Variants in PRPS1 observed in about 807,000 individuals in gnomAD.
PRPS1 encodes the protein ribose-phosphate pyrophosphokinase 1.
Under a neutral mutation model 16.9 loss-of-function variants are expected in PRPS1, and 1 was observed. The observed-to-expected ratio is 0.06, with a 90% CI of 0.02 to 0.28. The LOEUF is 0.28. Among genes scored for constraint, PRPS1 ranks in the 10% least tolerant of loss-of-function variants. PRPS1 has a pLI of 1.00. For missense variants in PRPS1, 47 were observed against 254.0 expected, an observed-to-expected ratio of 0.19 and a Z score of 5.54; for synonymous variants, 70 against 90.2, an observed-to-expected ratio of 0.78 and a Z score of 1.27.
intron 6 of PRPS1, among the ~76,000 whole-genome samples, chrX:107,649,517 C>T (rs1371968961): frequency 8.9e-6 from 1 of 112,252 alleles, no homozygotes; most frequent in Non-Finnish European, 1.9e-5. Context: ...TGCAGTGGCA[C>T]GATCTTGGCT....
intron 1 of PRPS1, among the ~76,000 whole-genome samples, chrX:107,635,031 C>T (rs1324910090): frequency 9.0e-6 from 1 of 110,513 alleles, no homozygotes; most frequent in Non-Finnish European, 1.9e-5. Flanking sequence ...TTAGTAGAGA[C>T]GGGGTTTCAC....
intron 3 of PRPS1, 63 bp from the exon 4 acceptor site, chrX:107,642,303 T>A: frequency 8.3e-7 from 1 of 1,199,582 alleles, no homozygotes; most frequent in Non-Finnish European, 1.1e-6. Context: ...CTACTTTGTG[T>A]TTGCCATTTA....
At position 107,639,329 on chromosome X, in the gene PRPS1, G is replaced by A; in HGVS notation, c.157G>A (p.Val53Ile). ...TGGTGAAAGTGTACGTGGAGAGGAT[G>A]TCTACATTGTTCAGAGTGGTTGTGG... is the stretch of plus-strand genomic sequence containing the variant. ...EIGESVRGED[V>I]YIVQSGCGEI... Residue 53 changes from valine (V) to isoleucine (I), a missense_variant, in exon 2 of 7, where the codon GTC (valine) becomes ATC (isoleucine). Val to Ile is a conservative substitution (Grantham distance 29). Around this residue, in one of 3 missense-constraint regions of PRPS1, gnomAD observed 19 missense variants for 155.6 expected, o/e 0.12. Transcript: ENST00000372435. 3 of 1,211,435 alleles carry A rather than the reference G, an allele frequency of 2.5e-6. No individual in the cohort carries two copies. Among genetic ancestry groups the A allele is most frequent in the South Asian group, 1.8e-5 (1 of 57,001 alleles).
chrX:107,637,555 C>T (rs938109083), intron 1 of PRPS1, among the ~76,000 whole-genome samples: 4 of 111,516 alleles, frequency 3.6e-5, no homozygotes, highest in African/African-American at 9.8e-5. Flanking sequence ...AAATGAGATA[C>T]AGGCCACCTG....
chrX:107,628,813 A>C, intron 1 of PRPS1, 63 bp downstream of exon 1: 6 of 1,201,635 alleles, frequency 5.0e-6, no homozygotes, highest in Middle Eastern at 2.3e-4. Flanking sequence ...TATAGGAGGG[A>C]TGGGGTCGCC....
intron 1 of PRPS1, chrX:107,629,993 T>C (rs1177884509): frequency 3.6e-5 from 4 of 112,607 alleles, no homozygotes; most frequent in African/African-American, 1.3e-4. Flanking sequence ...GATTTCCAAG[T>C]TTAACTCGCC....
chrX:107,635,568 A>G (rs754244641), intron 1 of PRPS1, among the ~76,000 whole-genome samples: 20 of 110,208 alleles, frequency 1.8e-4, no homozygotes, highest in East Asian at 2.8e-4. Flanking sequence ...AGTAGCTGCA[A>G]TCACAGGCAC....
Position 107,635,126 on chromosome X carries a change from C to T in PRPS1, c.123-4169C>T, listed in dbSNP as rs750479526. On this transcript the variant is annotated intron_variant, in intron 1 of 6. Transcript: ENST00000372435. ...AAAGTGCTGGGATTACAGGCGTGAG[C>T]CACCGTGCCCAGCGATAATGATAAA... is the stretch of plus-strand genomic sequence containing the variant. 2.2e-3 allele frequency among the ~76,000 whole-genome samples: 243 copies of T among 110,557 alleles called. 2 individuals are homozygous for T. Among genetic ancestry groups the T allele is most frequent in the Admixed American group, 2.2e-3 (23 of 10,318 alleles).
intron 1 of PRPS1, among the ~76,000 whole-genome samples, chrX:107,636,110 C>G (rs1335388875): frequency 2.8e-5 from 3 of 107,712 alleles, no homozygotes; most frequent in African/African-American, 6.8e-5. Flanking sequence ...TTGAAATGAC[C>G]ACTGCCTGTT....
chrX:107,636,343 A>G (rs1925442334), intron 1 of PRPS1, among the ~76,000 whole-genome samples: 1 of 111,731 alleles, frequency 9.0e-6, no homozygotes, highest in African/African-American at 3.2e-5. Context: ...TGGTCTTGAA[A>G]TGGGGAGCTC....
intron 5 of PRPS1, among the ~76,000 whole-genome samples, chrX:107,646,275 T>TATG (rs1385425646): frequency 1.8e-5 from 2 of 108,954 alleles, no homozygotes; most frequent in Non-Finnish European, 3.8e-5. Context: ...GGTAATTATT[T>TATG]ATTATTATTA....
Position 107,639,066 on chromosome X carries a change from C to T in PRPS1, c.123-229C>T, listed in dbSNP as rs763255133. On this transcript the variant is annotated intron_variant, in intron 1 of 6. Coordinates refer to ENST00000372435, the MANE Select transcript of PRPS1 (RefSeq NM_002764.4). ...TATACTTTAAATCATCTCTAGATTA[C>T]TTATAATACTTAATACAATATAAAT... 2.7e-5 allele frequency among the ~76,000 whole-genome samples: 3 copies of T among 112,120 alleles called. No homozygotes were observed. In the East Asian group the frequency reaches 8.3e-4, roughly 31 times the overall value.
chrX:107,647,262 A>G (rs1925717000), intron 5 of PRPS1, among the ~76,000 whole-genome samples: 2 of 112,355 alleles, frequency 1.8e-5, no homozygotes, highest in Non-Finnish European at 3.8e-5. Flanking sequence ...ACTCACACTC[A>G]CACACAAAGA....
Position 107,641,007 on chromosome X carries a change from G to A in PRPS1, c.405+7G>A. 5.0e-6 allele frequency: 6 copies of A among 1,211,977 alleles called. No individual in the cohort carries two copies. The highest frequency in any genetic ancestry group is 6.7e-6 in the Non-Finnish European group (6 of 895,588). ...ACATGCTTCTCAAATTCAGGTATCA[G>A]TGGAAGCTAAATATTGGTGTTTGAA... On this transcript the variant is annotated splice_region_variant and intron_variant, in intron 3 of 6. Transcript: ENST00000372435.
At chrX:107,639,100 A>C (rs1925515393) in intron 1 of PRPS1, among the ~76,000 whole-genome samples, 195 bp from the exon 2 acceptor site, 1 of 112,235 alleles carries the variant, frequency 8.9e-6, no homozygotes, top group South Asian at 3.7e-4. Flanking sequence ...ATACTACGTA[A>C]ATAGTTGTTA....
intron 1 of PRPS1, among the ~76,000 whole-genome samples, chrX:107,637,186 G>T (rs931031190): frequency 9.1e-6 from 1 of 110,266 alleles, no homozygotes; most frequent in Non-Finnish European, 1.9e-5. Context: ...GTAGAGACCC[G>T]AGTATGGGCA....
chrX:107,633,926 C>A (rs978514400), intron 1 of PRPS1, among the ~76,000 whole-genome samples: 6 of 109,931 alleles, frequency 5.5e-5, no homozygotes, highest in Admixed American at 9.7e-5. Flanking sequence ...GATTCCGTCT[C>A]AAAAAAAATA....
chrX:107,637,950 A>ATTTT (rs1556299283), intron 1 of PRPS1, among the ~76,000 whole-genome samples: 1 of 98,346 alleles, frequency 1.0e-5, no homozygotes, highest in Non-Finnish European at 2.0e-5. Context: ...ATATATATAT[A>ATTTT]TTTTTTTGAT....
At chrX:107,646,432 T>A (rs1366556120) in intron 5 of PRPS1, among the ~76,000 whole-genome samples, 1 of 111,984 alleles carries the variant, frequency 8.9e-6, no homozygotes, top group Non-Finnish European at 1.9e-5. Flanking sequence ...ATGGTTTTTT[T>A]AAACTTTCTT....
Sources: allele counts gnomAD v4.1 joint callset (sites outside exome capture counted in the v4.1 genomes callset), GRCh38; gene constraint gnomAD v4.1.1; regional missense constraint gnomAD v4.1.1; transcripts MANE v1.5; gene names NCBI Gene and HGNC (gene_info 2026-07-23, HGNC 2026-07-21).